Variants in GSK3B observed in about 807,000 individuals in gnomAD.
GSK3B encodes the protein glycogen synthase kinase 3 beta, also known as glycogen synthase kinase-3 beta.
A neutral mutation model predicts 56.4 loss-of-function variants in GSK3B; 15 were observed. That is an observed-to-expected ratio of 0.27 (90% CI 0.18 to 0.41). The LOEUF (loss-of-function observed/expected upper bound fraction) is 0.41, where lower values mean the gene tolerates loss of function less well. Among genes scored for constraint, GSK3B ranks in the 10% least tolerant of loss-of-function variants. The probability of loss-of-function intolerance (pLI) is 1.00; values close to 1 mark genes in which losing one functional copy is unlikely to be tolerated. For missense variants in GSK3B, 300 were observed against 513.4 expected (o/e 0.58, Z 4.02); for synonymous variants, 181 against 188.9 (o/e 0.96, Z 0.34).
At chr3:119,896,115 G>A (rs1208378066) in intron 7 of GSK3B, among the ~76,000 whole-genome samples, 6 of 145,600 alleles carry the variant, frequency 4.1e-5, no homozygotes, top group South Asian at 2.2e-4. Context: ...GTGACAGAGC[G>A]AGACTCTGTC....
intron 3 of GSK3B, among the ~76,000 whole-genome samples, chr3:119,943,213 T>C (rs1267330272): frequency 6.6e-6 from 1 of 152,220 alleles, no homozygotes; most frequent in Admixed American, 6.5e-5. Flanking sequence ...GTCAATGAAA[T>C]GTAAAACATG....
intron 7 of GSK3B, among the ~76,000 whole-genome samples, chr3:119,904,839 C>T (rs1432907946): frequency 6.6e-6 from 1 of 151,908 alleles, no homozygotes; most frequent in African/African-American, 2.4e-5. Context: ...TTCAATTTTA[C>T]AATTCTATGC....
At chr3:120,039,547 C>T (rs1342182912) in intron 1 of GSK3B, among the ~76,000 whole-genome samples, 1 of 152,128 alleles carries the variant, frequency 6.6e-6, no homozygotes, top group African/African-American at 2.4e-5. Context: ...ACAACTGTTC[C>T]CTTGGTTAAA....
chr3:119,989,876 T>C (rs1311772664), intron 2 of GSK3B, among the ~76,000 whole-genome samples: 2 of 152,050 alleles, frequency 1.3e-5, no homozygotes, highest in African/African-American at 4.8e-5. Flanking sequence ...ACAGATGTCA[T>C]TGCTCCTACA....
intron 1 of GSK3B, among the ~76,000 whole-genome samples, chr3:120,007,580 G>A (rs138626290): frequency 0.016 from 2,442 of 152,152 alleles, 63 homozygotes; most frequent in African/African-American, 0.056. Context: ...CGATCAAGTC[G>A]GCTTCATCCC....
intron 7 of GSK3B, among the ~76,000 whole-genome samples, chr3:119,879,970 T>C (rs1188051803): frequency 6.6e-6 from 1 of 152,206 alleles, no homozygotes; most frequent in African/African-American, 2.4e-5. Context: ...TTTCCTTTCT[T>C]TTGGGTATAT....
At chr3:119,907,139 T>C (rs2056690491) in intron 6 of GSK3B, among the ~76,000 whole-genome samples, 1 of 152,136 alleles carries the variant, frequency 6.6e-6, no homozygotes. Context: ...TATCTCCTTA[T>C]TTATGTAAAT....
intron 9 of GSK3B, among the ~76,000 whole-genome samples, chr3:119,860,374 T>C (rs1333150457): frequency 1.3e-5 from 2 of 152,104 alleles, no homozygotes; most frequent in African/African-American, 2.4e-5. Context: ...GCAGATAATA[T>C]TGTCAGTCAT....
chr3:120,018,889 T>C (rs1281942676), intron 1 of GSK3B, among the ~76,000 whole-genome samples: 1 of 152,204 alleles, frequency 6.6e-6, no homozygotes, highest in Admixed American at 6.5e-5. Context: ...AACAGATTTA[T>C]CACAATACTA....
intron 2 of GSK3B, among the ~76,000 whole-genome samples, chr3:119,964,364 A>G (rs1021451929): frequency 1.3e-5 from 2 of 152,236 alleles, no homozygotes; most frequent in African/African-American, 4.8e-5. Flanking sequence ...CAAAGATGGG[A>G]AAACCCAGAT....
intron 3 of GSK3B, among the ~76,000 whole-genome samples, chr3:119,935,296 ACTT>A (rs778236676): frequency 6.6e-6 from 1 of 152,270 alleles, no homozygotes; most frequent in Non-Finnish European, 1.5e-5. Context: ...AATAAAATTC[ACTT>A]CTATCAGTAA....
At chr3:119,976,250 AT>A (rs2057407683) in intron 2 of GSK3B, among the ~76,000 whole-genome samples, 1 of 152,176 alleles carries the variant, frequency 6.6e-6, no homozygotes. Flanking sequence ...ATGAAAACCT[AT>A]TTCCCCACAA....
At position 119,847,301 on chromosome 3, in the gene GSK3B, AAAG is replaced by A. The variant is rs199682903; in HGVS notation, c.1097-3951_1097-3949del. On this transcript the variant is annotated intron_variant, in intron 9 of 10. Transcript: ENST00000264235. ...TTAAAGTATAATAATAATCATAAAAAAAGAATAAGTTTAAAAAAAAATACAAAA... is the reference window on the plus strand; with the variant it reads ...TTAAAGTATAATAATAATCATAAAAAAATAAGTTTAAAAAAAAATACAAAA... 4.9e-3 allele frequency among the ~76,000 whole-genome samples: 739 copies of A among 151,372 alleles called. 3 individuals carry two copies. The highest frequency in any genetic ancestry group is 0.017 in the African/African-American group (692 of 41,366).
chr3:119,907,465 T>A (rs1435772783), intron 6 of GSK3B, among the ~76,000 whole-genome samples: 1 of 152,136 alleles, frequency 6.6e-6, no homozygotes, highest in Admixed American at 6.5e-5. Context: ...GTTACATCAG[T>A]CAAGTTAGTA....
intron 2 of GSK3B, among the ~76,000 whole-genome samples, chr3:119,954,778 C>T (rs2057195630): frequency 6.6e-6 from 1 of 151,972 alleles, no homozygotes; most frequent in African/African-American, 2.4e-5. Flanking sequence ...ACATCTCATG[C>T]TTTAAAAAGA....
rs532423606 is a variant in GSK3B at position 119,907,055 on chromosome 3, T to C, written c.716-1203A>G. Among the ~76,000 whole-genome samples, 3 of 152,212 alleles carry C rather than the reference T, an allele frequency of 2.0e-5. No individual in the cohort carries two copies. The South Asian group carries it at 6.2e-4, about 32-fold the overall frequency. On this transcript the variant is annotated intron_variant, in intron 6 of 10. Transcript: ENST00000264235. ...TTAGGAAATTGCTAAATTAAGCACA[T>C]ATGAAAACTTGTTAGGGAATCTTTA...
chr3:119,885,248 CAAATAAAATAAAATA>C (rs57760854), intron 7 of GSK3B, among the ~76,000 whole-genome samples: 457 of 143,900 alleles, frequency 3.2e-3, no homozygotes, highest in African/African-American at 9.4e-3. Context: ...ACAATAGCCA[CAAATAAAATAAAATA>C]AAATAAAATA....
At chr3:119,924,820 C>T (rs1022758780) in intron 3 of GSK3B, among the ~76,000 whole-genome samples, 1 of 152,158 alleles carries the variant, frequency 6.6e-6, no homozygotes, top group African/African-American at 2.4e-5. Flanking sequence ...TTGTCTATGG[C>T]TGCTTTTGGA....
intron 6 of GSK3B, among the ~76,000 whole-genome samples, chr3:119,909,265 C>G (rs1006538794): frequency 3.9e-5 from 6 of 152,170 alleles, no homozygotes; most frequent in African/African-American, 1.4e-4. Flanking sequence ...CCCACCTCAG[C>G]CTCCCAAAGT....
Sources: allele counts gnomAD v4.1 joint callset (sites outside exome capture counted in the v4.1 genomes callset), GRCh38; gene constraint gnomAD v4.1.1; transcripts MANE v1.5; gene names NCBI Gene and HGNC (gene_info 2026-07-23, HGNC 2026-07-21).